WDR70: variants seen among roughly 807,000 people sequenced by gnomAD.
WDR70 encodes WD repeat domain 70.
A neutral mutation model predicts 88.6 loss-of-function variants in WDR70; 53 were observed. The ratio of observed to expected loss-of-function variants is 0.60; its 90% CI spans 0.48 to 0.75. WDR70 has a LOEUF of 0.75. WDR70 is among the 30% of genes least tolerant of loss of function. WDR70 has a pLI of 0.00. For missense variants in WDR70, 610 were observed against 823.2 expected (o/e 0.74, Z 3.17); for synonymous variants, 280 against 270.0 (o/e 1.04, Z -0.36).
chr5:37,424,783 T>C (rs1326557469), intron 5 of WDR70, among the ~76,000 whole-genome samples: 2 of 152,240 alleles, frequency 1.3e-5, no homozygotes, highest in African/African-American at 2.4e-5. Flanking sequence ...TTATTTGTTT[T>C]ATAGTTATAT....
chr5:37,505,613 C>T, intron 8 of WDR70: 2 of 742,854 alleles, frequency 2.7e-6, no homozygotes, highest in Admixed American at 1.9e-5. Flanking sequence ...TTCTAGACAA[C>T]TGAGTGGGTG....
At chr5:37,631,353 A>T (rs149469096) in intron 10 of WDR70, among the ~76,000 whole-genome samples, 1 of 152,118 alleles carries the variant, frequency 6.6e-6, no homozygotes, top group Admixed American at 6.6e-5. Flanking sequence ...TTGTAATTTG[A>T]TATATAGAGC....
chr5:37,635,151 C>T (rs539761825), intron 10 of WDR70, among the ~76,000 whole-genome samples: 29 of 152,196 alleles, frequency 1.9e-4, no homozygotes, highest in African/African-American at 6.7e-4. Flanking sequence ...GACCTCTGGC[C>T]CATGTTTAAC....
At chr5:37,557,959 T>TTTGAAAACTC in intron 9 of WDR70, among the ~76,000 whole-genome samples, 1 of 146,628 alleles carries the variant, frequency 6.8e-6, no homozygotes, top group Admixed American at 6.8e-5. Flanking sequence ...AAAAGAGTAT[T>TTTGAAAACTC]ATGTATATTT....
intron 8 of WDR70, among the ~76,000 whole-genome samples, chr5:37,498,665 G>A (rs1339703227): frequency 1.3e-5 from 2 of 152,106 alleles, no homozygotes; most frequent in African/African-American, 4.8e-5. Context: ...CTCAGTAAAT[G>A]GCATTGCCAT....
Position 37,379,473 on chromosome 5 carries a change from T to C in WDR70, c.26-16T>C. ...GCCGCACTAACTAGGCCGCCTCTCT[T>C]TTCCTCTTGCTCCAGTGACAGGCTC... On this transcript the variant is annotated splice_polypyrimidine_tract_variant and intron_variant, in intron 1 of 17. Coordinates refer to ENST00000265107, the MANE Select transcript of WDR70 (RefSeq NM_018034.4). The C allele has an allele frequency of 6.2e-7, 1 of 1,613,936 alleles. No homozygotes were observed. The highest frequency in any genetic ancestry group is 8.5e-7 in the Non-Finnish European group (1 of 1,179,850).
At chr5:37,661,530 C>T (rs773709131) in intron 10 of WDR70, among the ~76,000 whole-genome samples, 2 of 152,166 alleles carry the variant, frequency 1.3e-5, no homozygotes, top group African/African-American at 4.8e-5. Flanking sequence ...TCATGCAGAG[C>T]CAGCTGTGTG....
intron 11 of WDR70, 123 bp downstream of exon 11, chr5:37,697,877 C>A: frequency 1.5e-6 from 1 of 649,522 alleles, no homozygotes; most frequent in Admixed American, 3.0e-5. Flanking sequence ...GCACCTTTGC[C>A]AGTCTGATTT....
At chr5:37,379,455 T>A (rs751745164) in intron 1 of WDR70, 34 bp from the exon 2 acceptor site, 3 of 1,613,758 alleles carry the variant, frequency 1.9e-6, no homozygotes, top group Middle Eastern at 1.7e-4. Context: ...GGCGCCGCAC[T>A]AACTAGGCCG....
chr5:37,486,816 A>ATT (rs35595478), intron 8 of WDR70, among the ~76,000 whole-genome samples: 2 of 130,172 alleles, frequency 1.5e-5, no homozygotes, highest in Non-Finnish European at 1.7e-5. Context: ...TTCTAATGAG[A>ATT]TTTTTTTTCT....
In WDR70 at chr5:37,636,434, G is replaced by A. The variant is rs371945762; in HGVS notation, c.1092+31196G>A. 3.0e-4 allele frequency among the ~76,000 whole-genome samples: 46 copies of A among 152,290 alleles called. 2 individuals are homozygous for A. The South Asian group carries it at 9.3e-3, about 31-fold the overall frequency. ...ATTAATGGATGCTAAAATTAGTTGA[G>A]CAAAGCTCTGATGAGAAGCAGAATA... On this transcript the variant is annotated intron_variant, in intron 10 of 17. Coordinates refer to ENST00000265107, the MANE Select transcript of WDR70 (RefSeq NM_018034.4).
intron 10 of WDR70, among the ~76,000 whole-genome samples, chr5:37,639,997 T>TA (rs1745063194): frequency 6.6e-6 from 1 of 152,162 alleles, no homozygotes; most frequent in Non-Finnish European, 1.5e-5. Flanking sequence ...AGAGGTTAAG[T>TA]AACTTGCCTA....
intron 9 of WDR70, among the ~76,000 whole-genome samples, chr5:37,559,275 A>G (rs978418404): frequency 5.3e-5 from 8 of 152,182 alleles, no homozygotes; most frequent in South Asian, 2.1e-4. Flanking sequence ...TCACTAAGCA[A>G]GATGTATTGA....
chr5:37,618,067 G>A (rs13186515), intron 10 of WDR70, among the ~76,000 whole-genome samples: 9,043 of 152,208 alleles, frequency 0.059, 365 homozygotes, highest in Non-Finnish European at 0.091. Context: ...AAATTTTCTG[G>A]TAAACATGGC....
At chr5:37,442,224 A>G (rs1750677840) in intron 6 of WDR70, among the ~76,000 whole-genome samples, 1 of 151,638 alleles carries the variant, frequency 6.6e-6, no homozygotes, top group Admixed American at 6.6e-5. Flanking sequence ...TTTAGTAGAG[A>G]TGGGGTTTCT....
chr5:37,710,855 C>T (rs923975700), intron 13 of WDR70, among the ~76,000 whole-genome samples: 1 of 151,610 alleles, frequency 6.6e-6, no homozygotes, highest in African/African-American at 2.4e-5. Context: ...GAAATGGTAA[C>T]TCACTTCTGC....
intron 9 of WDR70, among the ~76,000 whole-genome samples, chr5:37,537,576 A>G (rs1384013384): frequency 2.6e-5 from 4 of 152,152 alleles, no homozygotes; most frequent in South Asian, 2.1e-4. Context: ...AGCACCCAGA[A>G]TCATGGTTCT....
chr5:37,715,691 T>C (rs1427496240), intron 13 of WDR70, among the ~76,000 whole-genome samples: 1 of 152,140 alleles, frequency 6.6e-6, no homozygotes. Flanking sequence ...ACAAATAGCC[T>C]GGAAAAGTTG....
At chr5:37,733,976 G>T (rs956706946) in intron 17 of WDR70, among the ~76,000 whole-genome samples, 1 of 151,960 alleles carries the variant, frequency 6.6e-6, no homozygotes, top group African/African-American at 2.4e-5. Context: ...TGGAAATACT[G>T]TGCAGCTACA....
Sources: gnomAD v4.1 joint callset for allele counts (sites outside exome capture counted in the v4.1 genomes callset) on GRCh38, gnomAD v4.1.1 for gene constraint, MANE v1.5 for transcripts, NCBI Gene and HGNC (gene_info 2026-07-23, HGNC 2026-07-21) for gene names.